DGKH: variants seen among roughly 807,000 people sequenced by gnomAD.
The protein encoded by DGKH is DAG kinase eta.
Under a neutral mutation model 159.3 loss-of-function variants are expected in DGKH, and 90 were observed. The observed-to-expected ratio is 0.57, with a 90% CI of 0.48 to 0.67. The LOEUF (loss-of-function observed/expected upper bound fraction) is 0.67. Among genes scored for constraint, DGKH ranks in the 30% least tolerant of loss-of-function variants. The pLI is 0.00. For missense variants in DGKH, 1,181 were observed against 1,506.1 expected, an observed-to-expected ratio of 0.78 and a Z score of 3.57; for synonymous variants, 536 against 553.8, an observed-to-expected ratio of 0.97 and a Z score of 0.45.
intron 1 of DGKH, among the ~76,000 whole-genome samples, chr13:42,056,179 A>G (rs1881742654): frequency 6.6e-6 from 1 of 152,228 alleles, no homozygotes; most frequent in African/African-American, 2.4e-5. Context: ...GATAGTATTA[A>G]ATTAGGAGTT....
intron 9 of DGKH, among the ~76,000 whole-genome samples, chr13:42,168,116 G>A (rs943946537): frequency 6.6e-6 from 1 of 152,118 alleles, no homozygotes; most frequent in Non-Finnish European, 1.5e-5. Context: ...ATTTATTCTT[G>A]TAATAGAAAG....
Position 42,189,005 on chromosome 13 carries a change from T to A in DGKH, c.1639-31T>A, listed in dbSNP as rs569949515. 781 of 1,592,540 alleles carry A rather than the reference T, an allele frequency of 4.9e-4. 14 individuals are homozygous for A. In the South Asian group the frequency reaches 8.2e-3, roughly 17 times the overall value. ...TCTGCTGATCTTGATTCTTTTTGAG[T>A]ATTTTTCTCATTGCCATATTTTCCT... On this transcript the variant is annotated intron_variant, in intron 14 of 29. Coordinates refer to ENST00000337343, the MANE Select transcript of DGKH (RefSeq NM_178009.5).
At chr13:42,074,844 T>C (rs1045277269) in intron 1 of DGKH, among the ~76,000 whole-genome samples, 1 of 152,206 alleles carries the variant, frequency 6.6e-6, no homozygotes, top group African/African-American at 2.4e-5. Flanking sequence ...AATAAATGCA[T>C]AATTTAATTT....
chr13:42,191,655 G>T (rs1343985188), intron 16 of DGKH, among the ~76,000 whole-genome samples: 2 of 152,006 alleles, frequency 1.3e-5, no homozygotes, highest in African/African-American at 4.8e-5. Context: ...CACAGGACTA[G>T]TAGTAGTGAG....
At chr13:42,125,350 A>G (rs1031610887) in intron 1 of DGKH, among the ~76,000 whole-genome samples, 2 of 152,198 alleles carry the variant, frequency 1.3e-5, no homozygotes, top group East Asian at 1.9e-4. Context: ...TCTGCCATCT[A>G]TTGAATGTTT....
rs748683859 is a variant in DGKH, at chr13:42,206,975, T to TTTTCTTTCTTTCTTTCTTTCTTTC, written c.2601+857_2601+880dup. On this transcript the variant is annotated intron_variant, in intron 21 of 29. Coordinates refer to ENST00000337343, the MANE Select transcript of DGKH (RefSeq NM_178009.5). Reference sequence around the variant, plus strand: ...CACAATACCTTTTGGTACTTTTACTTTTTCTTTCTTTCTTTCTTTCTTTCT... The same window carrying TTTTCTTTCTTTCTTTCTTTCTTTC: ...CACAATACCTTTTGGTACTTTTACTTTTTCTTTCTTTCTTTCTTTCTTTCTTTCTTTCTTTCTTTCTTTCTTTCT... Among the ~76,000 whole-genome samples the TTTTCTTTCTTTCTTTCTTTCTTTC allele has an allele frequency of 2.0e-3, 163 of 82,332 alleles. 7 individuals carry two copies. Among genetic ancestry groups the TTTTCTTTCTTTCTTTCTTTCTTTC allele is most frequent in the Middle Eastern group, 6.1e-3 (1 of 164 alleles). 54.0% of individuals were successfully genotyped at this position (82,332 alleles called of 152,430 possible). A position where few individuals can be genotyped will look rare whatever the true frequency, so the allele number is the denominator to read the frequency against.
At chr13:42,041,205 A>G (rs1324771367) in intron 1 of DGKH, among the ~76,000 whole-genome samples, 2 of 152,122 alleles carry the variant, frequency 1.3e-5, no homozygotes, top group African/African-American at 4.8e-5. Flanking sequence ...CGACTCCTCA[A>G]CTTTTCACTT....
At chr13:42,147,374 G>T (rs765274561) in intron 3 of DGKH, among the ~76,000 whole-genome samples, 4 of 152,118 alleles carry the variant, frequency 2.6e-5, no homozygotes, top group Non-Finnish European at 5.9e-5. Flanking sequence ...CATTTTCATA[G>T]TTCTTTTGAA....
intron 1 of DGKH, among the ~76,000 whole-genome samples, chr13:42,040,786 C>G (rs1880445792): frequency 6.8e-6 from 1 of 146,500 alleles, no homozygotes; most frequent in South Asian, 2.1e-4. Flanking sequence ...CGAGAGGGAC[C>G]GCGGCGAGGG....
chr13:42,168,274 TTTC>T (rs1433863111), intron 9 of DGKH, among the ~76,000 whole-genome samples, 163 bp from the exon 10 acceptor site: 1 of 152,188 alleles, frequency 6.6e-6, no homozygotes. Flanking sequence ...ATTCAGAAGT[TTTC>T]TTGAGTTAAA....
intron 1 of DGKH, among the ~76,000 whole-genome samples, chr13:42,084,244 A>T (rs554527587): frequency 1.3e-5 from 2 of 152,290 alleles, no homozygotes; most frequent in East Asian, 1.9e-4. Context: ...ATTTTTAAAA[A>T]TCACTTAAAA....
chr13:42,252,498 T>C (rs943403268), intron 30 of DGKH: 1 of 152,382 alleles, frequency 6.6e-6, no homozygotes, highest in Non-Finnish European at 1.5e-5. Context: ...GGCCTGAGAC[T>C]CCACACGGCC....
Position 42,041,008 on chromosome 13 carries a change from C to A in DGKH, c.-13+882C>A, listed in dbSNP as rs1880465533. On this transcript the variant is annotated intron_variant, in intron 1 of 29. Transcript: ENST00000379274. ...TTGCTCCCCCCGCCCGGGCCGGGTTCCGTTCAGGAAATGGCCCGGGATGAG... is the reference window on the plus strand; with the variant it reads ...TTGCTCCCCCCGCCCGGGCCGGGTTACGTTCAGGAAATGGCCCGGGATGAG... 1.3e-5 allele frequency among the ~76,000 whole-genome samples: 2 copies of A among 151,632 alleles called. 1 individual carries two copies. Among genetic ancestry groups the A allele is most frequent in the Admixed American group, 1.3e-4 (2 of 15,270 alleles).
At chr13:42,171,348 C>T (rs936513275) in intron 11 of DGKH, among the ~76,000 whole-genome samples, 1 of 152,238 alleles carries the variant, frequency 6.6e-6, no homozygotes, top group Non-Finnish European at 1.5e-5. Flanking sequence ...CAACTCTGCA[C>T]TCTTTCCCCT....
intron 13 of DGKH, among the ~76,000 whole-genome samples, chr13:42,181,064 C>G (rs1388497758): frequency 6.6e-6 from 1 of 151,892 alleles, no homozygotes; most frequent in Non-Finnish European, 1.5e-5. Context: ...ATCACGAGGT[C>G]AGGAGATCGA....
chr13:42,177,037 T>A (rs932084023), intron 12 of DGKH, among the ~76,000 whole-genome samples: 2 of 152,216 alleles, frequency 1.3e-5, no homozygotes, highest in African/African-American at 4.8e-5. Context: ...GTATTCAGCA[T>A]TTTTAAAAAC....
At chr13:42,147,845 C>T (rs1437137609) in intron 3 of DGKH, among the ~76,000 whole-genome samples, 1 of 152,088 alleles carries the variant, frequency 6.6e-6, no homozygotes, top group Admixed American at 6.6e-5. Flanking sequence ...ATTTTGTTCT[C>T]GGAAGGTGCC....
chr13:42,104,686 A>T (rs951390575), intron 1 of DGKH, among the ~76,000 whole-genome samples: 6 of 152,124 alleles, frequency 3.9e-5, no homozygotes, highest in Non-Finnish European at 7.4e-5. Context: ...GTACTGGGAG[A>T]AAGAATGGAT....
At chr13:42,057,304 C>G (rs1327584054) in intron 1 of DGKH, among the ~76,000 whole-genome samples, 4 of 151,984 alleles carry the variant, frequency 2.6e-5, no homozygotes, top group African/African-American at 4.8e-5. Flanking sequence ...TTATTTTTAC[C>G]TAGCTAGAGA....
Sources: gnomAD v4.1 joint callset for allele counts (sites outside exome capture counted in the v4.1 genomes callset) on GRCh38, gnomAD v4.1.1 for gene constraint, MANE v1.5 for transcripts, NCBI Gene and HGNC (gene_info 2026-07-23, HGNC 2026-07-21) for gene names.